KANSL1: variants seen among roughly 807,000 people sequenced by gnomAD.
KANSL1 encodes the protein KAT8 regulatory NSL complex subunit 1.
Under a neutral mutation model 103.6 loss-of-function variants are expected in KANSL1, and 22 were observed. The observed-to-expected ratio is 0.21, with a 90% CI of 0.15 to 0.30. The LOEUF is 0.30. Among genes scored for constraint, KANSL1 ranks in the 10% least tolerant of loss-of-function variants. The pLI is 1.00. For missense variants in KANSL1, 1,337 were observed against 1,399.8 expected, an observed-to-expected ratio of 0.96 and a Z score of 0.72; for synonymous variants, 600 against 527.6, an observed-to-expected ratio of 1.14 and a Z score of -1.88.
At chr17:46,185,692 T>TACAC (rs58833932) in intron 1 of KANSL1, among the ~76,000 whole-genome samples, 19,716 of 144,202 alleles carry the variant, frequency 0.14, 1,052 homozygotes, top group South Asian at 0.27. Flanking sequence ...CACACATATA[T>TACAC]ACACACACAC....
At chr17:46,068,009 G>C (rs1263448614) in intron 4 of KANSL1, among the ~76,000 whole-genome samples, 3 of 152,000 alleles carry the variant, frequency 2.0e-5, no homozygotes, top group Non-Finnish European at 4.4e-5. Flanking sequence ...CTTTTGCTTT[G>C]GGGGGAAGAG....
intron 2 of KANSL1, among the ~76,000 whole-genome samples, chr17:46,142,483 A>G (rs1265230769): frequency 6.6e-6 from 1 of 152,128 alleles, no homozygotes; most frequent in Non-Finnish European, 1.5e-5. Context: ...TAAGGGGGGC[A>G]TAAGGGTGCA....
At chr17:46,052,439 T>C (rs1043151728) in intron 6 of KANSL1, among the ~76,000 whole-genome samples, 2 of 151,876 alleles carry the variant, frequency 1.3e-5, no homozygotes, top group African/African-American at 4.8e-5. Flanking sequence ...ACCCCGACTC[T>C]ACTGAAAATA....
At chr17:46,077,840 G>A (rs1436147328) in intron 4 of KANSL1, among the ~76,000 whole-genome samples, 2 of 152,184 alleles carry the variant, frequency 1.3e-5, no homozygotes, top group Admixed American at 1.3e-4. Context: ...TTACAGGCAT[G>A]AGCCACCGTG....
At chr17:46,155,527 T>C (rs1470225843) in intron 2 of KANSL1, among the ~76,000 whole-genome samples, 2 of 152,180 alleles carry the variant, frequency 1.3e-5, no homozygotes, top group Non-Finnish European at 2.9e-5. Context: ...AAAATTTTGT[T>C]GTCTCAACTA....
intron 2 of KANSL1, among the ~76,000 whole-genome samples, chr17:46,140,132 A>G (rs1326377147): frequency 2.6e-5 from 4 of 152,200 alleles, no homozygotes; most frequent in African/African-American, 9.6e-5. Flanking sequence ...ATACACATAC[A>G]CATACATACA....
chr17:46,098,219 C>T (rs548809927), intron 2 of KANSL1, among the ~76,000 whole-genome samples: 9 of 150,488 alleles, frequency 6.0e-5, no homozygotes, highest in Non-Finnish European at 1.2e-4. Context: ...TTTATTCCCA[C>T]CTTTCCTTAC....
chr17:46,161,222 G>GTGT (rs1027442918), intron 2 of KANSL1, among the ~76,000 whole-genome samples: 1 of 139,618 alleles, frequency 7.2e-6, no homozygotes, highest in African/African-American at 2.8e-5. Flanking sequence ...AGACCATCCT[G>GTGT]GCTAACATGA....
intron 2 of KANSL1, among the ~76,000 whole-genome samples, chr17:46,119,286 C>A: frequency 6.6e-6 from 1 of 151,358 alleles, no homozygotes; most frequent in East Asian, 1.9e-4. Context: ...CATCTGTATA[C>A]GGGTAATCTG....
chr17:46,182,988 G>GT (rs1471395890), intron 1 of KANSL1, among the ~76,000 whole-genome samples: 2 of 152,220 alleles, frequency 1.3e-5, no homozygotes, highest in African/African-American at 2.4e-5. Flanking sequence ...AAGCACCACA[G>GT]TAAGTACATA....
rs147415592 is a variant in KANSL1, at chr17:46,029,988, C to T, written c.*1488G>A. On this transcript the variant is annotated 3_prime_UTR_variant, in exon 15 of 15. Transcript: ENST00000432791. The stretch of plus-strand genomic sequence containing the variant: ...TTTTTAAGCACTAGTCTGTGCTTTG[C>T]GAACAGAATCAAGACATTAACAAAG... The T allele has an allele frequency of 6.7e-6, 1 of 149,640 alleles. No homozygotes were observed. Among genetic ancestry groups the T allele is most frequent in the East Asian group, 2.0e-4 (1 of 5,084 alleles). 9.3% of individuals were successfully genotyped at this position (149,640 alleles called of 1,614,324 possible).
chr17:46,083,959 T>C (rs1175478595), intron 3 of KANSL1, among the ~76,000 whole-genome samples: 2 of 152,074 alleles, frequency 1.3e-5, no homozygotes, highest in Admixed American at 1.3e-4. Context: ...GGGGAAAACA[T>C]TAAGAAAGAA....
chr17:46,096,132 C>T (rs1165732858), intron 2 of KANSL1, among the ~76,000 whole-genome samples: 1 of 140,668 alleles, frequency 7.1e-6, no homozygotes, highest in Admixed American at 7.4e-5. Flanking sequence ...CATCATGATA[C>T]TGTATTTTTT....
chr17:46,120,051 T>TGAAGAA (rs138190012), intron 2 of KANSL1: 1 of 152,144 alleles, frequency 6.6e-6, no homozygotes, highest in Non-Finnish European at 1.5e-5. Context: ...GCTTTATTTC[T>TGAAGAA]GAAGAAGAAG....
intron 2 of KANSL1, among the ~76,000 whole-genome samples, chr17:46,100,094 A>G (rs890116695): frequency 1.3e-5 from 2 of 152,176 alleles, no homozygotes; most frequent in African/African-American, 4.8e-5. Context: ...GACTATTACC[A>G]CAGAGAATTG....
At position 46,033,109 on chromosome 17, in the gene KANSL1, C is replaced by T. The variant is rs372559911; in HGVS notation, c.2808G>A (p.Thr936=). The T allele has an allele frequency of 8.1e-6, 13 of 1,598,096 alleles. No individual in the cohort carries two copies. The highest frequency in any genetic ancestry group is 1.7e-5 in the Admixed American group (1 of 58,436). The change falls in exon 13 of 15, where the codon ACG becomes ACA. Residue 936 remains threonine, a synonymous_variant. Transcript: ENST00000432791. The part of the protein sequence containing the change: ...EMERARWLWT[T]SVPPQRRGSR... ...TGCCCCGCCGCTGGGGTGGCACACT[C>T]GTGGTCCACAGCCACCGTGCCCTCT... is the stretch of plus-strand genomic sequence containing the variant.
rs1305951899 is a variant in KANSL1 at position 46,030,343 on chromosome 17, C to T, written c.*1133G>A. The T allele has an allele frequency of 6.6e-6, 1 of 151,626 alleles. No individual in the cohort carries two copies. Among genetic ancestry groups the T allele is most frequent in the Admixed American group, 6.6e-5 (1 of 15,234 alleles). The allele number at this position is 151,626 out of a possible 1,614,324, so 9.4% of individuals were successfully genotyped here. ...AAAACCCCAACCATTAAGCAGTTGT[C>T]TACTATTTTTATACGATTACAAAAT... On this transcript the variant is annotated 3_prime_UTR_variant, in exon 15 of 15. Coordinates refer to ENST00000432791, the MANE Select transcript of KANSL1 (RefSeq NM_015443.4).
In KANSL1 at chr17:46,171,694, T is replaced by C; in HGVS notation, c.450A>G (p.Pro150=). Residue 150 remains proline, a synonymous_variant, in exon 2 of 15, where the codon CCA becomes CCG. Transcript: ENST00000432791. The part of the protein sequence containing the change: ...TMNTSGQTAL[P]QAPVNGLAKK... ...TAGCCAACCCATTTACAGGTGCTTG[T>C]GGCAGAGCTGTCTGACCACTCGTAT... The C allele has an allele frequency of 6.4e-7, 1 of 1,555,596 alleles. No homozygotes were observed. The highest frequency in any genetic ancestry group is 8.7e-7 in the Non-Finnish European group (1 of 1,155,390).
At chr17:46,112,541 C>T (rs932644347) in intron 2 of KANSL1, among the ~76,000 whole-genome samples, 1 of 151,496 alleles carries the variant, frequency 6.6e-6, no homozygotes, top group Admixed American at 6.6e-5. Flanking sequence ...AAAAATTAGC[C>T]GGACATGGTG....
Sources: gnomAD v4.1 joint callset for allele counts (sites outside exome capture counted in the v4.1 genomes callset) on GRCh38, gnomAD v4.1.1 for gene constraint, MANE v1.5 for transcripts, NCBI Gene and HGNC (gene_info 2026-07-23, HGNC 2026-07-21) for gene names.